HS3ST4: variants seen among roughly 807,000 people sequenced by gnomAD.
HS3ST4 encodes the protein heparan sulfate-glucosamine 3-sulfotransferase 4.
In HS3ST4, 17 loss-of-function variants were observed where a neutral mutation model predicts 29.2. That is an observed-to-expected ratio of 0.58 (90% CI 0.40 to 0.87). The LOEUF (loss-of-function observed/expected upper bound fraction) is 0.87. HS3ST4 is among the 40% of genes least tolerant of loss of function. The pLI is 0.00. For synonymous variants in HS3ST4, 314 were observed against 285.7 expected (o/e 1.10, Z -1.00); for missense variants, 627 against 634.5 (o/e 0.99, Z 0.13).
chr16:25,847,347 T>C (rs1967476768), intron 1 of HS3ST4, among the ~76,000 whole-genome samples: 1 of 152,224 alleles, frequency 6.6e-6, no homozygotes, highest in African/African-American at 2.4e-5. Flanking sequence ...TTGTCTGCAG[T>C]CAGCCACCTT....
intron 1 of HS3ST4, among the ~76,000 whole-genome samples, chr16:25,703,228 G>T (rs1374613647): frequency 6.6e-6 from 1 of 152,108 alleles, no homozygotes; most frequent in Admixed American, 6.5e-5. Flanking sequence ...CACTCATGTT[G>T]CCACATAGCA....
intron 1 of HS3ST4, among the ~76,000 whole-genome samples, chr16:25,794,348 G>A (rs909086232): frequency 6.6e-6 from 1 of 151,670 alleles, no homozygotes; most frequent in Admixed American, 6.6e-5. Context: ...TTTCCTGTTT[G>A]TATATGGGAT....
intron 1 of HS3ST4, among the ~76,000 whole-genome samples, chr16:25,990,301 A>G (rs536512660): frequency 1.3e-5 from 2 of 152,314 alleles, no homozygotes; most frequent in South Asian, 4.1e-4. Flanking sequence ...GTTATATGGT[A>G]AGGGTATGAT....
chr16:25,802,298 A>T (rs1966947009), intron 1 of HS3ST4, among the ~76,000 whole-genome samples: 1 of 152,150 alleles, frequency 6.6e-6, no homozygotes, highest in African/African-American at 2.4e-5. Flanking sequence ...ACTGAGGTGC[A>T]GTTCAAACCT....
At chr16:25,710,173 G>T (rs1966406049) in intron 1 of HS3ST4, among the ~76,000 whole-genome samples, 1 of 152,142 alleles carries the variant, frequency 6.6e-6, no homozygotes, top group East Asian at 1.9e-4. Context: ...TTCTGGAGAA[G>T]AAAAATTCCC....
At chr16:25,785,834 A>G (rs1966856983) in intron 1 of HS3ST4, among the ~76,000 whole-genome samples, 1 of 152,128 alleles carries the variant, frequency 6.6e-6, no homozygotes, top group Non-Finnish European at 1.5e-5. Flanking sequence ...GAGGGGTGGT[A>G]ATGGGCGGTG....
At chr16:25,741,786 C>A (rs960571090) in intron 1 of HS3ST4, among the ~76,000 whole-genome samples, 1 of 152,084 alleles carries the variant, frequency 6.6e-6, no homozygotes, top group African/African-American at 2.4e-5. Context: ...TTATCACAAT[C>A]CCTTATACCA....
At chr16:25,705,529 G>A (rs1966370363) in intron 1 of HS3ST4, among the ~76,000 whole-genome samples, 1 of 152,126 alleles carries the variant, frequency 6.6e-6, no homozygotes, top group Non-Finnish European at 1.5e-5. Flanking sequence ...GCTAGGCGTG[G>A]TGGCACGCAC....
At chr16:25,903,148 A>G (rs529543304) in intron 1 of HS3ST4, among the ~76,000 whole-genome samples, 5 of 151,968 alleles carry the variant, frequency 3.3e-5, no homozygotes, top group African/African-American at 1.2e-4. Context: ...CTTACCCCCA[A>G]ACTCCTTGCA....
intron 1 of HS3ST4, among the ~76,000 whole-genome samples, chr16:25,903,394 TCACA>T (rs1029659535): frequency 2.1e-5 from 2 of 94,564 alleles, no homozygotes; most frequent in Admixed American, 1.0e-4. Flanking sequence ...AAATCACATA[TCACA>T]CACACACACA....
At chr16:26,020,987 A>G (rs1969407296) in intron 1 of HS3ST4, among the ~76,000 whole-genome samples, 1 of 152,244 alleles carries the variant, frequency 6.6e-6, no homozygotes, top group African/African-American at 2.4e-5. Context: ...GAATAGATGC[A>G]TCCATGCATA....
At position 25,788,540 on chromosome 16, in the gene HS3ST4, C is replaced by CTTTTTTTTTTTTTTTTTT. The variant is rs34729954; in HGVS notation, c.734+95392_734+95393insTTTTTTTTTTTTTTTTTT. On this transcript the variant is annotated intron_variant, in intron 1 of 1. Transcript: ENST00000331351. ...TTCCTACATTTTTTTTTCTTTTCTT[C>CTTTTTTTTTTTTTTTTTT]TTTCTTTTTTTTTTTTTTTTGACAG... 3.0e-5 allele frequency among the ~76,000 whole-genome samples: 3 copies of CTTTTTTTTTTTTTTTTTT among 99,070 alleles called. 1 individual carries two copies. 65.0% of individuals were successfully genotyped at this position (99,070 alleles called of 152,430 possible).
At chr16:25,763,811 C>A (rs1443573536) in intron 1 of HS3ST4, among the ~76,000 whole-genome samples, 1 of 152,128 alleles carries the variant, frequency 6.6e-6, no homozygotes, top group Non-Finnish European at 1.5e-5. Flanking sequence ...CAGTGGTGAG[C>A]TGTGGAAGAT....
At chr16:26,070,366 T>G (rs1016349265) in intron 1 of HS3ST4, among the ~76,000 whole-genome samples, 1 of 152,192 alleles carries the variant, frequency 6.6e-6, no homozygotes, top group Non-Finnish European at 1.5e-5. Flanking sequence ...TTTTGAGAAG[T>G]GTCTGTTCAT....
At chr16:25,991,749 C>T (rs1008818923) in intron 1 of HS3ST4, among the ~76,000 whole-genome samples, 1 of 152,150 alleles carries the variant, frequency 6.6e-6, no homozygotes, top group African/African-American at 2.4e-5. Context: ...GGGCCGGGTG[C>T]GGTGGCTCAC....
intron 1 of HS3ST4, among the ~76,000 whole-genome samples, chr16:25,939,371 C>G (rs1462338588): frequency 1.3e-5 from 2 of 150,736 alleles, no homozygotes; most frequent in Non-Finnish European, 1.5e-5. Context: ...GAGTTTCACT[C>G]TTACTGCCCA....
rs770473556 is a variant in HS3ST4 at position 25,951,269 on chromosome 16, G to A, written c.735-184343G>A. 5.3e-5 allele frequency among the ~76,000 whole-genome samples: 8 copies of A among 152,218 alleles called. No individual in the cohort carries two copies. The East Asian group carries it at 1.3e-3, about 26-fold the overall frequency. On this transcript the variant is annotated intron_variant, in intron 1 of 1. Coordinates refer to ENST00000331351, the MANE Select transcript of HS3ST4 (RefSeq NM_006040.3). ...CCACTGCCAGTTTTTCCAGAGGGAA[G>A]CTGACCTTGGTTTGGTGTCTCTGCT...
At chr16:25,738,112 G>A (rs992562102) in intron 1 of HS3ST4, among the ~76,000 whole-genome samples, 1 of 151,968 alleles carries the variant, frequency 6.6e-6, no homozygotes, top group Non-Finnish European at 1.5e-5. Flanking sequence ...CACCGTGTTA[G>A]CCAGGATGGT....
At chr16:25,822,434 CAA>C (rs1226837635) in intron 1 of HS3ST4, among the ~76,000 whole-genome samples, 1 of 152,166 alleles carries the variant, frequency 6.6e-6, no homozygotes. Context: ...TGGGGGGACA[CAA>C]ATATTCGGTC....
Sources: gnomAD v4.1 joint callset for allele counts (sites outside exome capture counted in the v4.1 genomes callset) on GRCh38, gnomAD v4.1.1 for gene constraint, MANE v1.5 for transcripts, NCBI Gene and HGNC (gene_info 2026-07-23, HGNC 2026-07-21) for gene names.